SLC39A1: variants seen among roughly 807,000 people sequenced by gnomAD.
SLC39A1 encodes zinc transporter ZIP1.
A neutral mutation model predicts 21.4 loss-of-function variants in SLC39A1; 17 were observed. That is an observed-to-expected ratio of 0.79 (90% CI 0.54 to 1.19). The LOEUF is 1.19. Among genes scored for constraint, SLC39A1 ranks in the 50% most tolerant of loss-of-function variants. The pLI, the probability that SLC39A1 is intolerant of heterozygous loss-of-function variation, is 0.00. For missense variants in SLC39A1, 343 were observed against 399.8 expected (o/e 0.86, Z 1.21); for synonymous variants, 183 against 185.9 (o/e 0.98, Z 0.13).
upstream of SLC39A1, chr1:153,965,102 A>G (rs1048799281): frequency 2.0e-5 from 3 of 151,830 alleles, no homozygotes; most frequent in African/African-American, 7.3e-5. Context: ...ATAATTGTAT[A>G]TATTTATGGT....
chr1:153,965,730 G>C (rs2102147152), upstream of SLC39A1, among the ~76,000 whole-genome samples: 1 of 151,996 alleles, frequency 6.6e-6, no homozygotes, highest in Non-Finnish European at 1.5e-5. Flanking sequence ...GGGATTACAG[G>C]CGCCCGCCAC....
rs117794427 is a variant in SLC39A1, at chr1:153,959,746, G to T, written c.*352C>A. 5 of 307,916 alleles carry T rather than the reference G, an allele frequency of 1.6e-5. No homozygotes were observed. The East Asian group carries it at 3.1e-4, about 19-fold the overall frequency. 19.1% of individuals were successfully genotyped at this position (307,916 alleles called of 1,614,324 possible). A position where few individuals can be genotyped will look rare whatever the true frequency, so the allele number is the denominator to read the frequency against. On this transcript the variant is annotated 3_prime_UTR_variant, in exon 4 of 4. Transcript: ENST00000356205. The stretch of plus-strand genomic sequence containing the variant: ...CTAGGTTTATGACCTGTCCATACCC[G>T]TTCCACAGCAGCTGGGTACCCACCT...
rs1557875891 is a variant in SLC39A1, at chr1:153,960,119, G to A, written c.954C>T (p.Gly318=). The A allele has an allele frequency of 6.2e-7, 1 of 1,610,372 alleles. No individual in the cohort carries two copies. Among genetic ancestry groups the A allele is most frequent in the Non-Finnish European group, 8.5e-7 (1 of 1,177,676 alleles). ...LLLAGFALLT[G]LLFIQI ...CCCCCTAGATTTGGATGAAGAGCAG[G>A]CCAGTGAGCAGGGCAAAGCCTGCTA... Residue 318 remains glycine, a synonymous_variant, in exon 4 of 4, where the codon GGC becomes GGT. Coordinates refer to ENST00000356205, the MANE Select transcript of SLC39A1 (RefSeq NM_001271958.2).
upstream of SLC39A1, chr1:153,967,508 G>C (rs937055598): frequency 6.6e-6 from 1 of 152,174 alleles, no homozygotes; most frequent in Non-Finnish European, 1.5e-5. Context: ...CCCGCCGGCC[G>C]GACGCAGTGG....
chr1:153,963,803 C>G (rs1647639992), upstream of SLC39A1: 2 of 152,322 alleles, frequency 1.3e-5, no homozygotes, highest in African/African-American at 4.8e-5. Flanking sequence ...CCGGAGCGGG[C>G]CAGTCAACAA....
rs758321658 is a variant in SLC39A1 at position 153,959,963 on chromosome 1, T to C, written c.*135A>G. ...TAGTCAGATAGCCCCAAAGGCTCTA[T>C]CTTTAGCTCCCAGAGAACTTTTTGG... On this transcript the variant is annotated 3_prime_UTR_variant, in exon 4 of 4. Coordinates refer to ENST00000356205, the MANE Select transcript of SLC39A1 (RefSeq NM_001271958.2). The C allele has an allele frequency of 3.7e-5, 38 of 1,040,620 alleles. No homozygotes were observed. The highest frequency in any genetic ancestry group is 5.0e-5 in the Non-Finnish European group (36 of 720,138). 64.5% of individuals were successfully genotyped at this position (1,040,620 alleles called of 1,614,324 possible).
At chr1:153,965,285 G>A (rs1405246696), upstream of SLC39A1, among the ~76,000 whole-genome samples, 4 of 151,946 alleles carry the variant, frequency 2.6e-5, no homozygotes, top group Non-Finnish European at 5.9e-5. Flanking sequence ...AAATTAGCCA[G>A]GCGTGGTGGC....
At chr1:153,962,994 C>T (rs1647574906) in intron 1 of SLC39A1, 1 of 349,094 alleles carries the variant, frequency 2.9e-6, no homozygotes. Flanking sequence ...GTATGGATAT[C>T]TCATCACCCT....
chr1:153,961,284 A>C (rs1215412720), intron 3 of SLC39A1, among the ~76,000 whole-genome samples: 4 of 152,184 alleles, frequency 2.6e-5, no homozygotes. Context: ...TCAAAAACAA[A>C]ACAAAACAAA....
chr1:153,962,182 T>TC, intron 3 of SLC39A1, 38 bp downstream of exon 3: 1 of 1,603,698 alleles, frequency 6.2e-7, no homozygotes. Flanking sequence ...GGTGTGTGAT[T>TC]CCCCTCCCGC....
upstream of SLC39A1, among the ~76,000 whole-genome samples, chr1:153,965,957 T>C (rs1647757308): frequency 6.6e-6 from 1 of 152,064 alleles, no homozygotes; most frequent in Admixed American, 6.6e-5. Context: ...TCACCAGAGT[T>C]TGATAAATCA....
At chr1:153,961,854 T>C (rs770608783) in intron 3 of SLC39A1, among the ~76,000 whole-genome samples, 5 of 152,038 alleles carry the variant, frequency 3.3e-5, no homozygotes, top group Non-Finnish European at 7.4e-5. Flanking sequence ...AGGGAATCGC[T>C]TCCTATCCTT....
At chr1:153,965,022 G>A (rs1476913985), upstream of SLC39A1, 2 of 152,180 alleles carry the variant, frequency 1.3e-5, no homozygotes, top group Non-Finnish European at 2.9e-5. Context: ...TCTGGTCCAA[G>A]TTCTACCTTT....
chr1:153,967,270 T>A (rs374374257), upstream of SLC39A1: 1 of 152,234 alleles, frequency 6.6e-6, no homozygotes, highest in Non-Finnish European at 1.5e-5. Context: ...AAACCCGCCA[T>A]CGCGCTCCTG....
chr1:153,967,506 C>G (rs549281353), upstream of SLC39A1: 2 of 152,332 alleles, frequency 1.3e-5, no homozygotes, highest in South Asian at 4.1e-4. Flanking sequence ...GTCCCGCCGG[C>G]CGGACGCAGT....
At position 153,962,618 on chromosome 1, in the gene SLC39A1, G is replaced by T. The variant is rs777071481; in HGVS notation, c.98C>A (p.Ala33Asp). The stretch of plus-strand genomic sequence containing the variant: ...GGTGAGCACCAGCAGCAGCACCAGG[G>T]CCCCCAACTTCACCTCCAGCCCCAC... ...VPVGLEVKLG[A>D]LVLLLVLTLL... Residue 33 changes from alanine to aspartate, a missense_variant, in exon 2 of 4, where the codon GCC becomes GAC. Physicochemically the swap from Ala to Asp is moderately radical, Grantham distance 126 (BLOSUM62 -2). Transcript: ENST00000356205. 1 of 1,613,408 alleles carries T rather than the reference G, an allele frequency of 6.2e-7. No individual in the cohort carries two copies. Among genetic ancestry groups the T allele is most frequent in the Non-Finnish European group, 8.5e-7 (1 of 1,179,834 alleles).
At chr1:153,962,875 G>GTGAC (rs1190516461) in intron 1 of SLC39A1, 128 bp from the exon 2 acceptor site, 16 of 629,806 alleles carry the variant, frequency 2.5e-5, no homozygotes, top group African/African-American at 2.0e-4. Flanking sequence ...CCTACCCAGG[G>GTGAC]TGACTCATCT....
At position 153,960,552 on chromosome 1, in the gene SLC39A1, G is replaced by A. The variant is rs1277377490; in HGVS notation, c.521C>T (p.Thr174Ile). 1.2e-6 allele frequency: 2 copies of A among 1,614,062 alleles called. No homozygotes were observed. Among genetic ancestry groups the A allele is most frequent in the African/African-American group, 1.3e-5 (1 of 75,068 alleles). ...TACACAGGCACGCAAGGCTGAGGGG[G>A]TTGCTGGGGCTCCACTCGCCTGTGG... ...GVPQASGAPA[T>I]PSALRACVLV... is the part of the protein sequence containing the mutation. Residue 174 changes from threonine to isoleucine, a missense_variant, in exon 4 of 4, where the codon ACC becomes ATC. Thr to Ile is a moderately conservative substitution (Grantham distance 89). Coordinates refer to ENST00000356205, the MANE Select transcript of SLC39A1 (RefSeq NM_001271958.2).
chr1:153,962,785 C>A, intron 1 of SLC39A1, 38 bp from the exon 2 acceptor site: 1 of 1,420,128 alleles, frequency 7.0e-7, no homozygotes, highest in Non-Finnish European at 9.3e-7. Flanking sequence ...AAAAATCATG[C>A]AAAGGAAGAT....
Sources: allele counts gnomAD v4.1 joint callset (sites outside exome capture counted in the v4.1 genomes callset), GRCh38; gene constraint gnomAD v4.1.1; transcripts MANE v1.5; gene names NCBI Gene and HGNC (gene_info 2026-07-23, HGNC 2026-07-21).